The following B3GALT1 variants were observed in gnomAD, a reference collection of about 807,000 sequenced individuals.
The protein encoded by B3GALT1 is beta-1,3-galactosyltransferase 1.
A neutral mutation model predicts 23.2 loss-of-function variants in B3GALT1; 10 were observed. The observed-to-expected ratio is 0.43, with a 90% CI of 0.27 to 0.73. The LOEUF is 0.73. Ranked by LOEUF, B3GALT1 falls within the 30% of genes least tolerant of loss-of-function variation. B3GALT1 has a pLI of 0.21. For missense variants in B3GALT1, 299 were observed against 405.4 expected (o/e 0.74, Z 2.25); for synonymous variants, 156 against 141.5 (o/e 1.10, Z -0.73).
chr2:167,661,393 C>A (rs933209974), intron 3 of B3GALT1, among the ~76,000 whole-genome samples: 1 of 151,996 alleles, frequency 6.6e-6, no homozygotes, highest in African/African-American at 2.4e-5. Context: ...CCAAGAAAAC[C>A]AGTCTTTAGA....
At chr2:167,459,283 C>G (rs1699220052) in intron 1 of B3GALT1, among the ~76,000 whole-genome samples, 1 of 152,038 alleles carries the variant, frequency 6.6e-6, no homozygotes, top group Non-Finnish European at 1.5e-5. Context: ...TTTTCTATCA[C>G]TATTTTCTGT....
intron 1 of B3GALT1, among the ~76,000 whole-genome samples, chr2:167,334,656 A>C (rs1164807552): frequency 1.3e-5 from 2 of 152,190 alleles, no homozygotes; most frequent in Non-Finnish European, 2.9e-5. Context: ...TTTCTTCCTT[A>C]AGGAAAAGGA....
chr2:167,833,126 A>T (rs1689386007), intron 4 of B3GALT1, among the ~76,000 whole-genome samples: 2 of 152,214 alleles, frequency 1.3e-5, no homozygotes, highest in Non-Finnish European at 2.9e-5. Flanking sequence ...ATCAGAGATG[A>T]TCAACACCTT....
chr2:167,666,184 T>G (rs537933212), intron 3 of B3GALT1, among the ~76,000 whole-genome samples: 1 of 152,380 alleles, frequency 6.6e-6, no homozygotes, highest in East Asian at 1.9e-4. Flanking sequence ...AACATCTTTA[T>G]GTCTGCCTTC....
At chr2:167,645,373 G>A (rs536811746) in intron 2 of B3GALT1, among the ~76,000 whole-genome samples, 31 of 152,106 alleles carry the variant, frequency 2.0e-4, no homozygotes, top group Non-Finnish European at 3.5e-4. Flanking sequence ...GAGGAGCAGG[G>A]TGATGCAGAC....
chr2:167,713,793 A>C, intron 3 of B3GALT1: 1 of 1,593,506 alleles, frequency 6.3e-7, no homozygotes, highest in African/African-American at 1.3e-5. Flanking sequence ...TAAGGAGGTA[A>C]ACCCCTCTGT....
At chr2:167,298,207 C>A (rs538025679) in intron 1 of B3GALT1, among the ~76,000 whole-genome samples, 3 of 152,098 alleles carry the variant, frequency 2.0e-5, no homozygotes, top group Non-Finnish European at 4.4e-5. Context: ...GGTGATTCTG[C>A]AACTTCCTCT....
chr2:167,698,956 A>G (rs1037548248), intron 3 of B3GALT1, among the ~76,000 whole-genome samples: 1 of 152,204 alleles, frequency 6.6e-6, no homozygotes, highest in Admixed American at 6.5e-5. Context: ...TCCATCCCCA[A>G]AGGGAAGCCA....
chr2:167,755,177 G>A (rs1386351179), intron 3 of B3GALT1, among the ~76,000 whole-genome samples: 2 of 152,078 alleles, frequency 1.3e-5, no homozygotes, highest in Non-Finnish European at 2.9e-5. Flanking sequence ...AACTACTGAG[G>A]CCAGCCCACA....
chr2:167,549,509 A>G (rs1290519354), intron 2 of B3GALT1, among the ~76,000 whole-genome samples: 1 of 152,156 alleles, frequency 6.6e-6, no homozygotes, highest in Non-Finnish European at 1.5e-5. Flanking sequence ...TTTCCCTCAT[A>G]TTAGCAAATA....
At chr2:167,442,110 A>G (rs577680266) in intron 1 of B3GALT1, among the ~76,000 whole-genome samples, 3 of 148,160 alleles carry the variant, frequency 2.0e-5, no homozygotes, top group Admixed American at 6.9e-5. Flanking sequence ...ATTCCCACCT[A>G]TGAGTGAGAA....
At position 167,869,126 on chromosome 2, in the gene B3GALT1, T is replaced by A. The variant is rs139671055; in HGVS notation, c.87T>A (p.Thr29=). 1.3e-4 allele frequency: 202 copies of A among 1,614,156 alleles called. No homozygotes were observed. Among genetic ancestry groups the A allele is most frequent in the Middle Eastern group, 9.9e-4 (6 of 6,062 alleles). ...GGTACTTGAGTATAACTCGCCCTAC[T>A]TCTTCTTACACTGGCTCCAAACCAT... ...ALWYLSITRP[T]SSYTGSKPFS... The change falls in exon 5 of 5, where the codon ACT becomes ACA. Residue 29 remains threonine (T), a synonymous_variant. Coordinates refer to ENST00000392690, the MANE Select transcript of B3GALT1 (RefSeq NM_020981.4). This position sits in a 1 kb window ranked among gnomAD's most constrained non-coding sequence, Gnocchi z 6.4.
chr2:167,362,360 C>T (rs1020303263), intron 1 of B3GALT1, among the ~76,000 whole-genome samples: 1 of 152,046 alleles, frequency 6.6e-6, no homozygotes, highest in Admixed American at 6.6e-5. Flanking sequence ...ATTCACTTTC[C>T]TCATTTCTGC....
At position 167,476,642 on chromosome 2, in the gene B3GALT1, C is replaced by T. The variant is rs1699490444; in HGVS notation, c.-510-13535C>T. On this transcript the variant is annotated intron_variant, in intron 1 of 4. Transcript: ENST00000392690. ...ACATCCTGTATTGAATCTGTACTCA[C>T]CCATTAAAAACAAACTATAGATACT... Among the ~76,000 whole-genome samples the T allele has an allele frequency of 5.9e-5, 9 of 151,552 alleles. 1 individual carries two copies. The South Asian group carries it at 1.9e-3, about 32-fold the overall frequency.
intron 1 of B3GALT1, among the ~76,000 whole-genome samples, chr2:167,361,517 G>C (rs1422491539): frequency 2.0e-5 from 3 of 152,166 alleles, no homozygotes; most frequent in Non-Finnish European, 4.4e-5. Flanking sequence ...TTAAAGTCAG[G>C]TGTTAATCAG....
At chr2:167,782,948 G>T (rs183501336) in intron 3 of B3GALT1, among the ~76,000 whole-genome samples, 308 of 152,294 alleles carry the variant, frequency 2.0e-3, no homozygotes, top group Middle Eastern at 3.4e-3. Flanking sequence ...GCATCTGACT[G>T]CATGATTTAT....
chr2:167,755,353 C>A (rs1163770138), intron 3 of B3GALT1, among the ~76,000 whole-genome samples: 1 of 151,718 alleles, frequency 6.6e-6, no homozygotes, highest in African/African-American at 2.4e-5. Flanking sequence ...TTGACTAGAA[C>A]ACGATTGGTT....
At chr2:167,400,166 C>CTGTGTGTGTG (rs149993955) in intron 1 of B3GALT1, among the ~76,000 whole-genome samples, 16,318 of 145,310 alleles carry the variant, frequency 0.11, 1,038 homozygotes, top group Middle Eastern at 0.16. Flanking sequence ...ACATCTATGT[C>CTGTGTGTGTG]TGTGTGTGTG....
At chr2:167,533,777 T>G (rs1683370431) in intron 2 of B3GALT1, among the ~76,000 whole-genome samples, 1 of 152,238 alleles carries the variant, frequency 6.6e-6, no homozygotes, top group Admixed American at 6.5e-5. Context: ...TCAGTCCTTC[T>G]CTTTGCAACC....
Sources: allele counts gnomAD v4.1 joint callset (sites outside exome capture counted in the v4.1 genomes callset), GRCh38; gene constraint gnomAD v4.1.1; non-coding constraint Gnocchi (gnomAD v3.1); transcripts MANE v1.5; gene names NCBI Gene and HGNC (gene_info 2026-07-23, HGNC 2026-07-21).